Variants in SMAD9 observed in about 807,000 individuals in gnomAD.
SMAD9 encodes SMAD family member 9.
In SMAD9, 36 loss-of-function variants were observed where a neutral mutation model predicts 46.1. That is an observed-to-expected ratio of 0.78 (90% confidence interval 0.60 to 1.03). The LOEUF (loss-of-function observed/expected upper bound fraction) is 1.03, where lower values mean the gene tolerates loss of function less well. SMAD9 is among the 50% of genes least tolerant of loss of function. The pLI is 0.00. For synonymous variants in SMAD9, 245 were observed against 237.1 expected, an observed-to-expected ratio of 1.03 and a Z score of -0.31; for missense variants, 572 against 599.8, an observed-to-expected ratio of 0.95 and a Z score of 0.48.
intron 1 of SMAD9, among the ~76,000 whole-genome samples, chr13:36,886,196 C>T (rs1593598034): frequency 6.6e-6 from 1 of 152,356 alleles, no homozygotes; most frequent in African/African-American, 2.4e-5. Context: ...CACTAGTAAG[C>T]CAGGATTCAG....
intron 1 of SMAD9, among the ~76,000 whole-genome samples, chr13:36,895,647 T>A (rs1182000556): frequency 6.6e-6 from 1 of 152,198 alleles, no homozygotes; most frequent in Non-Finnish European, 1.5e-5. Context: ...AAGCAGAATT[T>A]CAGAGAAAGA....
At chr13:36,876,558 T>C (rs2058347251) in intron 2 of SMAD9, among the ~76,000 whole-genome samples, 1 of 150,758 alleles carries the variant, frequency 6.6e-6, no homozygotes, top group Non-Finnish European at 1.5e-5. Context: ...ATTTTCTAAG[T>C]CTTTTTAAAA....
intron 1 of SMAD9, among the ~76,000 whole-genome samples, chr13:36,910,041 C>CAA (rs1481946125): frequency 3.3e-5 from 5 of 151,786 alleles, no homozygotes; most frequent in Non-Finnish European, 7.4e-5. Flanking sequence ...ACTAAAAATA[C>CAA]AAAAAATTAT....
At chr13:36,888,214 T>C (rs1198157913) in intron 1 of SMAD9, among the ~76,000 whole-genome samples, 1 of 152,154 alleles carries the variant, frequency 6.6e-6, no homozygotes, top group Non-Finnish European at 1.5e-5. Context: ...GAGGGAGGGA[T>C]CTGGTGGGAG....
intron 6 of SMAD9, among the ~76,000 whole-genome samples, 176 bp from the exon 7 acceptor site, chr13:36,848,995 A>G (rs966593084): frequency 6.6e-6 from 1 of 152,200 alleles, no homozygotes; most frequent in Admixed American, 6.5e-5. Flanking sequence ...CACACCAACC[A>G]GATGCCTTCA....
At chr13:36,853,766 C>G in intron 5 of SMAD9, 91 bp from the exon 6 acceptor site, 1 of 1,327,586 alleles carries the variant, frequency 7.5e-7, no homozygotes. Flanking sequence ...ATGTGACTCT[C>G]CCATCAGGTT....
intron 1 of SMAD9, among the ~76,000 whole-genome samples, chr13:36,919,017 C>T (rs1252757235): frequency 6.6e-6 from 1 of 152,174 alleles, no homozygotes; most frequent in Non-Finnish European, 1.5e-5. Flanking sequence ...TAAACTGGAT[C>T]CATCCAAAGC....
intron 1 of SMAD9, among the ~76,000 whole-genome samples, chr13:36,880,173 A>G (rs1209030901): frequency 6.6e-6 from 1 of 152,102 alleles, no homozygotes; most frequent in Non-Finnish European, 1.5e-5. Flanking sequence ...TCTGCCCTCA[A>G]AGTCTTTGGA....
At chr13:36,889,784 T>C (rs1593602605) in intron 1 of SMAD9, among the ~76,000 whole-genome samples, 1 of 152,140 alleles carries the variant, frequency 6.6e-6, no homozygotes, top group East Asian at 1.9e-4. Flanking sequence ...AGAAATCTAT[T>C]TTTATTGAAT....
In SMAD9 at chr13:36,872,644, T is replaced by C. The variant is rs1389840294; in HGVS notation, c.670+14A>G. 9 of 1,613,778 alleles carry C rather than the reference T, an allele frequency of 5.6e-6. No homozygotes were observed. Among genetic ancestry groups the C allele is most frequent in the South Asian group, 4.4e-5 (4 of 91,068 alleles). On this transcript the variant is annotated intron_variant, in intron 3 of 6. Coordinates refer to ENST00000379826, the MANE Select transcript of SMAD9 (RefSeq NM_001127217.3). The stretch of plus-strand genomic sequence containing the variant: ...TTTTCCCGTATTTCCCCACAGACCA[T>C]AGTTCTTACTGACCTGAGTGTTGAT...
intron 1 of SMAD9, among the ~76,000 whole-genome samples, chr13:36,880,950 G>GTTCTT (rs1416897924): frequency 6.6e-6 from 1 of 151,980 alleles, no homozygotes; most frequent in Non-Finnish European, 1.5e-5. Flanking sequence ...AGAAGCAAGA[G>GTTCTT]TTCTTTGGAG....
rs520200 is a variant in SMAD9, at chr13:36,882,660, A to G, written c.-186-2785T>C. ...GAACTTCAAGAGTGATAAACACCCA[A>G]TTCATAACAGTGGCCTCCAGGTAGG... On this transcript the variant is annotated intron_variant, in intron 1 of 6. Transcript: ENST00000379826. Among the ~76,000 whole-genome samples the G allele has an allele frequency of 3.0e-3, 462 of 152,342 alleles. 2 individuals are homozygous for G. The highest frequency in any genetic ancestry group is 0.011 in the African/African-American group (442 of 41,592).
chr13:36,874,299 C>T (rs1355694763), intron 2 of SMAD9, among the ~76,000 whole-genome samples: 4 of 152,206 alleles, frequency 2.6e-5, no homozygotes, highest in African/African-American at 9.6e-5. Flanking sequence ...GAATTTCAAA[C>T]ACTGCGGGAT....
intron 1 of SMAD9, among the ~76,000 whole-genome samples, chr13:36,907,093 T>C (rs1350551055): frequency 6.6e-6 from 1 of 152,202 alleles, no homozygotes; most frequent in Non-Finnish European, 1.5e-5. Context: ...ACAATGTGGA[T>C]GAACCTTCAA....
intron 1 of SMAD9, among the ~76,000 whole-genome samples, chr13:36,913,886 C>T (rs1238475610): frequency 6.6e-6 from 1 of 152,206 alleles, no homozygotes; most frequent in Non-Finnish European, 1.5e-5. Context: ...TACCACCATT[C>T]TTGGCTTCTA....
intron 1 of SMAD9, among the ~76,000 whole-genome samples, chr13:36,909,476 A>G (rs745507765): frequency 6.6e-6 from 1 of 152,222 alleles, no homozygotes; most frequent in Non-Finnish European, 1.5e-5. Flanking sequence ...TTCTTTACAC[A>G]TACGTAATAA....
chr13:36,849,349 AT>A (rs11355039), intron 6 of SMAD9: 13,648 of 150,412 alleles, frequency 0.091, 974 homozygotes, highest in African/African-American at 0.19. Context: ...GACAGTTAAA[AT>A]TTTTTTTTTT....
At position 36,904,215 on chromosome 13, in the gene SMAD9, A is replaced by G. The variant is rs569175385; in HGVS notation, c.-187+15901T>C. On this transcript the variant is annotated intron_variant, in intron 1 of 6. Transcript: ENST00000379826. Reference sequence around the variant, plus strand: ...AGCAGAGGATGCAAGTGTACCTCTTATTTGATTTTTTCAAAATCAACAATG... The same window carrying G: ...AGCAGAGGATGCAAGTGTACCTCTTGTTTGATTTTTTCAAAATCAACAATG... Among the ~76,000 whole-genome samples, 28 of 152,258 alleles carry G rather than the reference A, an allele frequency of 1.8e-4. No individual in the cohort carries two copies. In the South Asian group the frequency reaches 2.5e-3, roughly 14 times the overall value.
chr13:36,869,476 C>A (rs1316362811), intron 3 of SMAD9, among the ~76,000 whole-genome samples: 1 of 152,098 alleles, frequency 6.6e-6, no homozygotes, highest in Non-Finnish European at 1.5e-5. Flanking sequence ...CCTGCCTAAG[C>A]CTCCCAAAGT....
Sources: gnomAD v4.1 joint callset for allele counts (sites outside exome capture counted in the v4.1 genomes callset) on GRCh38, gnomAD v4.1.1 for gene constraint, MANE v1.5 for transcripts, NCBI Gene and HGNC (gene_info 2026-07-23, HGNC 2026-07-21) for gene names.